The following CNTN5 variants were observed in gnomAD, a reference collection of about 807,000 sequenced individuals.
CNTN5 encodes the protein contactin 5, also known as contactin-5.
A neutral mutation model predicts 129.1 loss-of-function variants in CNTN5; 77 were observed. The observed-to-expected ratio is 0.60, with a 90% CI of 0.50 to 0.72. CNTN5 has a LOEUF of 0.72. CNTN5 is among the 30% of genes least tolerant of loss of function. The pLI, the probability that CNTN5 is intolerant of heterozygous loss-of-function variation, is 0.00. For missense variants in CNTN5, 1,478 were observed against 1,328.8 expected (o/e 1.11, Z -1.75); for synonymous variants, 509 against 465.6 (o/e 1.09, Z -1.20).
chr11:99,248,769 G>A (rs1178905095), intron 1 of CNTN5, among the ~76,000 whole-genome samples: 3 of 152,052 alleles, frequency 2.0e-5, no homozygotes, highest in African/African-American at 4.8e-5. Flanking sequence ...AAGATCAGAT[G>A]GTTGTAGATA....
chr11:99,258,994 G>C (rs1328985378), intron 1 of CNTN5, among the ~76,000 whole-genome samples: 1 of 151,552 alleles, frequency 6.6e-6, no homozygotes, highest in Non-Finnish European at 1.5e-5. Flanking sequence ...AGAGTAATAG[G>C]CCAATAAGAA....
intron 18 of CNTN5, among the ~76,000 whole-genome samples, chr11:100,294,323 G>A (rs1022218579): frequency 6.6e-6 from 1 of 151,720 alleles, no homozygotes; most frequent in African/African-American, 2.4e-5. Context: ...AACTAAGGTA[G>A]TACACTATAT....
chr11:100,309,168 G>GA, intron 21 of CNTN5: 3 of 984,734 alleles, frequency 3.0e-6, no homozygotes, highest in Non-Finnish European at 3.6e-6. Flanking sequence ...ATGTCTAAAA[G>GA]AAAAAAAGAA....
intron 4 of CNTN5, among the ~76,000 whole-genome samples, chr11:99,826,166 T>C (rs1011031520): frequency 6.6e-6 from 1 of 152,136 alleles, no homozygotes; most frequent in African/African-American, 2.4e-5. Flanking sequence ...TTTTGCAATA[T>C]AGAATTTTTT....
At chr11:99,948,575 T>G (rs1052004282) in intron 7 of CNTN5, among the ~76,000 whole-genome samples, 1 of 152,228 alleles carries the variant, frequency 6.6e-6, no homozygotes, top group African/African-American at 2.4e-5. Flanking sequence ...AGTAAACATT[T>G]GAAACCACTA....
chr11:99,819,876 C>A, intron 4 of CNTN5, 111 bp downstream of exon 4: 1 of 717,572 alleles, frequency 1.4e-6, no homozygotes, highest in Non-Finnish European at 2.3e-6. Flanking sequence ...AGTGATTGAA[C>A]TCAACTCTGC....
intron 10 of CNTN5, among the ~76,000 whole-genome samples, chr11:100,063,695 G>A (rs1204786595): frequency 7.8e-6 from 1 of 127,650 alleles, no homozygotes; most frequent in African/African-American, 2.9e-5. Flanking sequence ...CATAGCAGCT[G>A]AACCTGTCTC....
intron 3 of CNTN5, among the ~76,000 whole-genome samples, chr11:99,795,494 C>T (rs1945900357): frequency 6.6e-6 from 1 of 151,974 alleles, no homozygotes; most frequent in African/African-American, 2.4e-5. Context: ...AAGGAGAACT[C>T]TGCCTTAGTG....
intron 16 of CNTN5, among the ~76,000 whole-genome samples, chr11:100,252,639 C>A (rs1444018727): frequency 6.6e-6 from 1 of 152,042 alleles, no homozygotes; most frequent in Non-Finnish European, 1.5e-5. Context: ...ATGTGAACAT[C>A]CAATTTTTCC....
chr11:99,553,598 C>A (rs974220973), intron 2 of CNTN5, among the ~76,000 whole-genome samples: 4 of 151,492 alleles, frequency 2.6e-5, no homozygotes, highest in African/African-American at 9.7e-5. Flanking sequence ...TTTAAAAAAA[C>A]CAAGAGAGTA....
chr11:99,307,362 CTTG>C (rs1348029186), intron 1 of CNTN5, among the ~76,000 whole-genome samples: 3 of 151,316 alleles, frequency 2.0e-5, no homozygotes, highest in South Asian at 2.1e-4. Flanking sequence ...TGTTTTTGTT[CTTG>C]TTGTGTTTTG....
chr11:100,193,170 T>C (rs924219024), intron 14 of CNTN5, among the ~76,000 whole-genome samples: 4 of 151,968 alleles, frequency 2.6e-5, no homozygotes, highest in African/African-American at 4.8e-5. Context: ...TCAGAGAGGC[T>C]ACAGCCTCTT....
At chr11:99,049,865 G>A (rs1409980114) in intron 1 of CNTN5, 1 of 152,012 alleles carries the variant, frequency 6.6e-6, no homozygotes, top group Non-Finnish European at 1.5e-5. Context: ...TTTTTATTTT[G>A]TTACAGCCTT....
intron 6 of CNTN5, among the ~76,000 whole-genome samples, chr11:99,911,812 A>G (rs1734069360): frequency 1.3e-5 from 2 of 151,498 alleles, no homozygotes; most frequent in South Asian, 4.2e-4. Flanking sequence ...ACCACGTGTT[A>G]TCTTTATGAA....
At position 99,698,379 on chromosome 11, in the gene CNTN5, T is replaced by C. The variant is rs191007744; in HGVS notation, c.56-121165T>C. On this transcript the variant is annotated intron_variant, in intron 3 of 24. Coordinates refer to ENST00000524871, the MANE Select transcript of CNTN5 (RefSeq NM_014361.4). ...CACTAAAAACCGTATTCTAAAAATA[T>C]TCCCAGAGATTTAAAACCCTGGAAT... Among the ~76,000 whole-genome samples, 149 of 151,680 alleles carry C rather than the reference T, an allele frequency of 9.8e-4. 4 individuals carry two copies. The highest frequency in any genetic ancestry group is 9.7e-3 in the Admixed American group (147 of 15,182).
In CNTN5 at chr11:99,211,777, C is replaced by A. The variant is rs573933343; in HGVS notation, c.-209-113569C>A. ...CTCCTTTTAATGTTTTCATAGCACC[C>A]TGTTCACTTCATCATGAATACTTTA... On this transcript the variant is annotated intron_variant, in intron 1 of 24. Transcript: ENST00000524871. 1.1e-4 allele frequency among the ~76,000 whole-genome samples: 17 copies of A among 152,082 alleles called. 1 individual carries two copies. The South Asian group carries it at 3.5e-3, about 32-fold the overall frequency.
chr11:99,678,624 C>G (rs1206535884), intron 3 of CNTN5, among the ~76,000 whole-genome samples: 1 of 151,968 alleles, frequency 6.6e-6, no homozygotes, highest in Admixed American at 6.6e-5. Flanking sequence ...ACTGCAAAAC[C>G]TGTGAGTGTG....
At chr11:99,614,407 G>A (rs1269654538) in intron 3 of CNTN5, among the ~76,000 whole-genome samples, 3 of 152,068 alleles carry the variant, frequency 2.0e-5, no homozygotes, top group African/African-American at 7.2e-5. Flanking sequence ...ATTGCACCAC[G>A]AGTGGAGGGA....
At chr11:100,094,143 C>G (rs1319281526) in intron 13 of CNTN5, among the ~76,000 whole-genome samples, 1 of 152,062 alleles carries the variant, frequency 6.6e-6, no homozygotes, top group African/African-American at 2.4e-5. Flanking sequence ...CAATGGGAGC[C>G]AGGTCTTCAG....
Sources: gnomAD v4.1 joint callset for allele counts (sites outside exome capture counted in the v4.1 genomes callset) on GRCh38, gnomAD v4.1.1 for gene constraint, MANE v1.5 for transcripts, NCBI Gene and HGNC (gene_info 2026-07-23, HGNC 2026-07-21) for gene names.